The following ARHGAP35 variants were observed in gnomAD, a reference collection of about 807,000 sequenced individuals.
The protein encoded by ARHGAP35 is Rho GTPase activating protein 35, also known as rho GTPase-activating protein 35.
ARHGAP35 carries 15 observed loss-of-function variants against 111.1 expected under a neutral mutation model. The observed-to-expected ratio is 0.13, with a 90% CI of 0.09 to 0.21. ARHGAP35 has a LOEUF of 0.21. Among genes scored for constraint, ARHGAP35 ranks in the 10% least tolerant of loss-of-function variants. ARHGAP35 has a pLI of 1.00. For synonymous variants in ARHGAP35, 643 were observed against 710.3 expected, an observed-to-expected ratio of 0.91 and a Z score of 1.51; for missense variants, 1,262 against 1,873.0, an observed-to-expected ratio of 0.67 and a Z score of 6.02.
chr19:46,910,286 A>AT (rs58776927), intron 1 of ARHGAP35, among the ~76,000 whole-genome samples: 9 of 150,584 alleles, frequency 6.0e-5, no homozygotes, highest in South Asian at 2.1e-4. Flanking sequence ...TTAATTTTTT[A>AT]TTTTTTTTCT....
chr19:47,004,831 T>A lies in ARHGAP35; in HGVS notation c.*4143T>A, dbSNP rs958930367. ...TCTAGCTGGTGTTAGGAATGTTTGC[T>A]TAATTTCCAGACTTTTTTTTAAAAA... On this transcript the variant is annotated 3_prime_UTR_variant, in exon 7 of 7. Coordinates refer to ENST00000672722, the MANE Select transcript of ARHGAP35 (RefSeq NM_004491.5). 3 of 152,238 alleles carry A rather than the reference T, an allele frequency of 2.0e-5. No individual in the cohort carries two copies. The highest frequency in any genetic ancestry group is 7.2e-5 in the African/African-American group (3 of 41,458). The allele number at this position is 152,238 out of a possible 1,614,324, so 9.4% of individuals were successfully genotyped here. A position where few individuals can be genotyped will look rare whatever the true frequency, so the allele number is the denominator to read the frequency against.
At chr19:46,925,962 T>A (rs1198061622) in intron 2 of ARHGAP35, among the ~76,000 whole-genome samples, 1 of 152,184 alleles carries the variant, frequency 6.6e-6, no homozygotes, top group Non-Finnish European at 1.5e-5. Context: ...CATATTGTAT[T>A]CCGAGAAAGG....
chr19:46,875,627 A>G (rs1285299841), intron 1 of ARHGAP35, among the ~76,000 whole-genome samples: 1 of 152,080 alleles, frequency 6.6e-6, no homozygotes, highest in African/African-American at 2.4e-5. Flanking sequence ...TTAAATACCT[A>G]TTTTGCTTGC....
chr19:46,941,510 A>G (rs779672030), intron 3 of ARHGAP35, among the ~76,000 whole-genome samples: 17 of 151,392 alleles, frequency 1.1e-4, no homozygotes, highest in Non-Finnish European at 1.8e-4. Flanking sequence ...CAAGGCTGCA[A>G]GTGAGCTGTG....
chr19:46,986,097 T>TCGCTCAAGG lies in ARHGAP35; in HGVS notation c.3827-1885_3827-1884insGGCGCTCAA, dbSNP rs1419017649. ...TCTGTGCACCTTCAGCAAGACAGAG[T>TCGCTCAAGG]CGCTCAAAGCCAGTCTTCAGAAGGG... On this transcript the variant is annotated intron_variant, in intron 3 of 6. Transcript: ENST00000672722. The surrounding 1 kb of genome is among the most constrained non-coding windows in gnomAD (Gnocchi z 4.3). Among the ~76,000 whole-genome samples the TCGCTCAAGG allele has an allele frequency of 1.3e-5, 2 of 151,974 alleles. No individual in the cohort carries two copies. Among genetic ancestry groups the TCGCTCAAGG allele is most frequent in the African/African-American group, 4.8e-5 (2 of 41,368 alleles).
chr19:46,912,850 C>T lies in ARHGAP35; in HGVS notation c.-188-5638C>T, dbSNP rs565896307. ...GTCTACCAAATGCAAACATTTTAAC[C>T]AGCTGCTAATGGGAACTCATAGCTT... On this transcript the variant is annotated intron_variant, in intron 1 of 6. Transcript: ENST00000672722. 4.6e-5 allele frequency among the ~76,000 whole-genome samples: 7 copies of T among 151,776 alleles called. No individual in the cohort carries two copies. The East Asian group carries it at 1.4e-3, about 29-fold the overall frequency.
chr19:46,921,729 A>C lies in ARHGAP35; in HGVS notation c.3054A>C (p.Gly1018=). 1 of 1,613,986 alleles carries C rather than the reference A, an allele frequency of 6.2e-7. No individual in the cohort carries two copies. The change falls in exon 2 of 7, where the codon GGA becomes GGC. Residue 1018 remains glycine (G), a synonymous_variant. Transcript: ENST00000672722. This position sits in a 1 kb window ranked among gnomAD's most constrained non-coding sequence, Gnocchi z 4.3. The stretch of plus-strand genomic sequence containing the variant: ...CTAAGCTCTCTATGGAACTGGAGGG[A>C]AATGATGGGCTGTCTTTCATTATGA... ...DHSKLSMELE[G]NDGLSFIMSN...
At chr19:46,942,815 CAGAAAAAAAAA>C (rs112205257) in intron 3 of ARHGAP35, among the ~76,000 whole-genome samples, 740 of 42,254 alleles carry the variant, frequency 0.018, 10 homozygotes, top group Non-Finnish European at 0.024. Flanking sequence ...GACCCTGTCT[CAGAAAAAAAAA>C]AAAAAAAAAA....
At chr19:46,896,058 C>T (rs1429373892) in intron 1 of ARHGAP35, among the ~76,000 whole-genome samples, 5 of 151,900 alleles carry the variant, frequency 3.3e-5, no homozygotes, top group Admixed American at 6.6e-5. Context: ...GCCAAGATCG[C>T]GCCACTGCAC....
At chr19:46,987,946 C>T (rs1051440130) in intron 3 of ARHGAP35, 43 bp from the exon 4 acceptor site, 12 of 1,595,228 alleles carry the variant, frequency 7.5e-6, no homozygotes, top group Non-Finnish European at 9.4e-6. Flanking sequence ...TCATTCTCTG[C>T]TCTCCAGTTC....
intron 2 of ARHGAP35, among the ~76,000 whole-genome samples, chr19:46,932,224 G>A (rs1273567978): frequency 6.6e-6 from 1 of 152,246 alleles, no homozygotes; most frequent in East Asian, 1.9e-4. Flanking sequence ...GGAGGTTGTA[G>A]TGAGCCAAGA....
chr19:46,902,177 G>A (rs1159932031), intron 1 of ARHGAP35, among the ~76,000 whole-genome samples: 1 of 152,142 alleles, frequency 6.6e-6, no homozygotes, highest in African/African-American at 2.4e-5. Flanking sequence ...AAGTTGAGTA[G>A]CCTGTGATAG....
rs1456921139 is a variant in ARHGAP35 at position 46,901,624 on chromosome 19, T to C, written c.-188-16864T>C. The stretch of plus-strand genomic sequence containing the variant: ...TTGCTGCTCTAGGAGAGCAAGAGTA[T>C]ACATGTGAAGAACGCGTAAGGCTGT... On this transcript the variant is annotated intron_variant, in intron 1 of 6. Transcript: ENST00000672722. This position sits in a 1 kb window ranked among gnomAD's most constrained non-coding sequence, Gnocchi z 4.5. Among the ~76,000 whole-genome samples, 1 of 152,196 alleles carries C rather than the reference T, an allele frequency of 6.6e-6. No homozygotes were observed. Among genetic ancestry groups the C allele is most frequent in the Non-Finnish European group, 1.5e-5 (1 of 68,036 alleles).
At chr19:46,874,474 G>A (rs547227174) in intron 1 of ARHGAP35, among the ~76,000 whole-genome samples, 1 of 150,338 alleles carries the variant, frequency 6.7e-6, no homozygotes, top group African/African-American at 2.4e-5. Context: ...TAAAGAAAAC[G>A]ATCCAAGCTC....
rs1351897447 is a variant in ARHGAP35, at chr19:47,000,538, C to T, written c.4350C>T (p.Ser1450=). 1.2e-6 allele frequency: 2 copies of T among 1,613,548 alleles called. No individual in the cohort carries two copies. The highest frequency in any genetic ancestry group is 2.2e-5 in the East Asian group (1 of 44,868). The change falls in exon 7 of 7, where the codon AGC becomes AGT. Residue 1450 remains serine (S), a synonymous_variant. Transcript: ENST00000672722. This position sits in a 1 kb window ranked among gnomAD's most constrained non-coding sequence, Gnocchi z 6.9. The part of the protein sequence containing the change: ...PITEPPGARP[S]SPSAVASTVP... ...CCGAGCCCCCCGGCGCCAGGCCCAG[C>T]TCCCCCTCTGCCGTGGCTTCCACCG...
In ARHGAP35 at chr19:46,918,529, T is replaced by C; in HGVS notation, c.-147T>C. 1 of 700,072 alleles carries C rather than the reference T, an allele frequency of 1.4e-6. No individual in the cohort carries two copies. The highest frequency in any genetic ancestry group is 2.4e-6 in the Non-Finnish European group (1 of 417,756). 43.4% of individuals were successfully genotyped at this position (700,072 alleles called of 1,614,324 possible). A position where few individuals can be genotyped will look rare whatever the true frequency, so the allele number is the denominator to read the frequency against. On this transcript the variant is annotated 5_prime_UTR_variant, in exon 2 of 7. It removes the in-frame stop codon of an upstream open reading frame in the 5' UTR. Transcript: ENST00000672722. This position sits in a 1 kb window ranked among gnomAD's most constrained non-coding sequence, Gnocchi z 5.4. ...TTTGGCGATGAGAGGTGGTGAACAG[T>C]GACCATACTGGTATACAACACTATG...
chr19:46,994,193 G>A lies in ARHGAP35; in HGVS notation c.4036+4518G>A, dbSNP rs1243050717. 2.0e-5 allele frequency among the ~76,000 whole-genome samples: 3 copies of A among 152,238 alleles called. No homozygotes were observed. The highest frequency in any genetic ancestry group is 2.1e-4 in the South Asian group (1 of 4,814). On this transcript the variant is annotated intron_variant, in intron 5 of 6. Coordinates refer to ENST00000672722, the MANE Select transcript of ARHGAP35 (RefSeq NM_004491.5). The surrounding 1 kb of genome is among the most constrained non-coding windows in gnomAD (Gnocchi z 5.4). ...CTCACCCAGGGCTGGGTGCCCTGACGGCCCTGTCCCAGTAGGGACACCAGG... is the reference window on the plus strand; with the variant it reads ...CTCACCCAGGGCTGGGTGCCCTGACAGCCCTGTCCCAGTAGGGACACCAGG...
At position 46,989,338 on chromosome 19, in the gene ARHGAP35, T is replaced by TA. The variant is rs1434545476; in HGVS notation, c.3905-206_3905-205insA. 18 of 564,282 alleles carry TA rather than the reference T, an allele frequency of 3.2e-5. No individual in the cohort carries two copies. The East Asian group carries it at 5.6e-4, about 17-fold the overall frequency. 35.0% of individuals were successfully genotyped at this position (564,282 alleles called of 1,614,324 possible). A position where few individuals can be genotyped will look rare whatever the true frequency, so the allele number is the denominator to read the frequency against. ...AGTGGTAGAAGGGGCAGTTCAGCAG[T>TA]CTCGGAAAGAGGTGCTGGGGCCAGC... On this transcript the variant is annotated intron_variant, in intron 4 of 6. Coordinates refer to ENST00000672722, the MANE Select transcript of ARHGAP35 (RefSeq NM_004491.5). This position sits in a 1 kb window ranked among gnomAD's most constrained non-coding sequence, Gnocchi z 5.3.
At chr19:46,899,218 C>T (rs1487079885) in intron 1 of ARHGAP35, among the ~76,000 whole-genome samples, 2 of 152,106 alleles carry the variant, frequency 1.3e-5, no homozygotes, top group Non-Finnish European at 2.9e-5. Context: ...GGAGAAGAGG[C>T]ACAGTGGCAT....
Sources: allele counts gnomAD v4.1 joint callset (sites outside exome capture counted in the v4.1 genomes callset), GRCh38; gene constraint gnomAD v4.1.1; non-coding constraint Gnocchi (gnomAD v3.1); transcripts MANE v1.5; gene names NCBI Gene and HGNC (gene_info 2026-07-23, HGNC 2026-07-21).